Variants in DNM3 observed in about 807,000 individuals in gnomAD.
DNM3 encodes dynamin 3.
A neutral mutation model predicts 101.6 loss-of-function variants in DNM3; 47 were observed. The observed-to-expected ratio is 0.46, with a 90% CI of 0.37 to 0.59. The LOEUF (loss-of-function observed/expected upper bound fraction) is 0.59. Ranked by LOEUF, DNM3 falls within the 20% of genes least tolerant of loss-of-function variation. The pLI is 0.00. For missense variants in DNM3, 849 were observed against 1,085.7 expected (o/e 0.78, Z 3.06); for synonymous variants, 385 against 387.9 (o/e 0.99, Z 0.09).
intron 14 of DNM3, chr1:172,139,160 A>G (rs2148140502): frequency 3.2e-6 from 1 of 314,290 alleles, no homozygotes; most frequent in Non-Finnish European, 6.2e-6. Flanking sequence ...GGAAAAAAAG[A>G]GATTAAACAC....
At chr1:172,127,068 C>T (rs2056667615) in intron 13 of DNM3, among the ~76,000 whole-genome samples, 1 of 152,112 alleles carries the variant, frequency 6.6e-6, no homozygotes, top group Admixed American at 6.6e-5. Flanking sequence ...GTTGTACCCA[C>T]TCTCACTCAA....
At chr1:172,292,597 G>T (rs969759482) in intron 15 of DNM3, among the ~76,000 whole-genome samples, 46 of 91,844 alleles carry the variant, frequency 5.0e-4, no homozygotes, top group Admixed American at 8.2e-4. Flanking sequence ...GAGAATAGAA[G>T]ACTTCACACA....
chr1:172,090,895 T>C (rs972935147), intron 12 of DNM3, among the ~76,000 whole-genome samples: 7 of 152,184 alleles, frequency 4.6e-5, no homozygotes, highest in Admixed American at 4.6e-4. Context: ...GACCATTTCA[T>C]TGATCTCCAA....
Position 172,106,847 on chromosome 1 carries a change from CTTTTTTTTTT to C in DNM3, c.1545+13987_1545+13996del, listed in dbSNP as rs1165611083. Among the ~76,000 whole-genome samples the C allele has an allele frequency of 1.0e-4, 7 of 67,958 alleles. 2 individuals are homozygous for C. Among genetic ancestry groups the C allele is most frequent in the Admixed American group, 2.4e-4 (1 of 4,094 alleles). 44.6% of individuals were successfully genotyped at this position (67,958 alleles called of 152,430 possible). A position where few individuals can be genotyped will look rare whatever the true frequency, so the allele number is the denominator to read the frequency against. ...TTATTCAATTTAAGGTAACATTATTCTTTTTTTTTTTTTTTTTTTTTTTTGAGACGGAGTC... is the reference window on the plus strand; with the variant it reads ...TTATTCAATTTAAGGTAACATTATTCTTTTTTTTTTTTTTGAGACGGAGTC... On this transcript the variant is annotated intron_variant, in intron 13 of 20. Transcript: ENST00000627582.
In DNM3 at chr1:172,067,901, C is replaced by T. The variant is rs1379830868; in HGVS notation, c.1336-918C>T. On this transcript the variant is annotated intron_variant, in intron 10 of 20. Coordinates refer to ENST00000627582, the MANE Select transcript of DNM3 (RefSeq NM_015569.5). ...TGTGCTTCATGGGATGAATCATGCTCGAAGAGTAATGGACAAGACCATGGG... is the reference window on the plus strand; with the variant it reads ...TGTGCTTCATGGGATGAATCATGCTTGAAGAGTAATGGACAAGACCATGGG... 3.3e-5 allele frequency among the ~76,000 whole-genome samples: 5 copies of T among 152,228 alleles called. No homozygotes were observed. In the East Asian group the frequency reaches 9.6e-4, roughly 29 times the overall value.
intron 12 of DNM3, among the ~76,000 whole-genome samples, chr1:172,086,727 G>A (rs530247818): frequency 6.6e-6 from 1 of 152,206 alleles, no homozygotes; most frequent in South Asian, 2.1e-4. Context: ...GGTAGCTACT[G>A]AGAGAAAGAG....
intron 13 of DNM3, among the ~76,000 whole-genome samples, chr1:172,104,841 G>GT (rs1457645792): frequency 1.3e-5 from 2 of 152,180 alleles, no homozygotes; most frequent in African/African-American, 4.8e-5. Flanking sequence ...ATGGTAGGAG[G>GT]TGAGGCACTA....
chr1:171,998,123 G>T (rs1422909444), intron 4 of DNM3, among the ~76,000 whole-genome samples: 1 of 152,104 alleles, frequency 6.6e-6, no homozygotes, highest in Non-Finnish European at 1.5e-5. Flanking sequence ...TGTCTCAGAT[G>T]CCAATAGTGT....
chr1:172,011,177 C>T (rs2047103271), intron 4 of DNM3, among the ~76,000 whole-genome samples: 1 of 151,836 alleles, frequency 6.6e-6, no homozygotes, highest in Non-Finnish European at 1.5e-5. Flanking sequence ...CTAATAAATG[C>T]AACATATTCA....
intron 20 of DNM3, among the ~76,000 whole-genome samples, chr1:172,394,727 A>T (rs957113141): frequency 6.6e-6 from 1 of 152,218 alleles, no homozygotes; most frequent in Non-Finnish European, 1.5e-5. Context: ...CCAAGACAGG[A>T]GTCTGGCAGA....
At chr1:172,112,763 G>A (rs181664393) in intron 13 of DNM3, among the ~76,000 whole-genome samples, 3 of 152,156 alleles carry the variant, frequency 2.0e-5, no homozygotes, top group Non-Finnish European at 4.4e-5. Context: ...CACATCATAA[G>A]GTTGAGTCGC....
At position 172,355,323 on chromosome 1, in the gene DNM3, A is replaced by T. The variant is rs548616564; in HGVS notation, c.1894-23695A>T. On this transcript the variant is annotated intron_variant, in intron 17 of 20. Coordinates refer to ENST00000627582, the MANE Select transcript of DNM3 (RefSeq NM_015569.5). ...AAAGATTTTGGACTATATTTAAAAAATTTAAAGAAATAAAAGAGCAAATGA... is the reference window on the plus strand; with the variant it reads ...AAAGATTTTGGACTATATTTAAAAATTTTAAAGAAATAAAAGAGCAAATGA... 7.2e-5 allele frequency among the ~76,000 whole-genome samples: 11 copies of T among 152,286 alleles called. No homozygotes were observed. The East Asian group carries it at 2.1e-3, about 29-fold the overall frequency.
intron 20 of DNM3, among the ~76,000 whole-genome samples, chr1:172,397,833 C>T (rs1034769608): frequency 2.0e-5 from 3 of 151,992 alleles, no homozygotes; most frequent in African/African-American, 7.3e-5. Context: ...TGTTCAGTCA[C>T]GATCTTCTAG....
intron 14 of DNM3, among the ~76,000 whole-genome samples, chr1:172,223,578 T>A (rs1439647445): frequency 3.3e-5 from 5 of 152,164 alleles, no homozygotes; most frequent in Admixed American, 3.3e-4. Context: ...TCAAAACATC[T>A]AAACTGAATC....
chr1:172,308,624 G>A (rs1325096127), intron 15 of DNM3, 104 bp from the exon 16 acceptor site: 3 of 475,868 alleles, frequency 6.3e-6, no homozygotes, highest in Non-Finnish European at 1.1e-5. Context: ...GTCAGAAACT[G>A]TCCATTTGGA....
intron 10 of DNM3, among the ~76,000 whole-genome samples, chr1:172,057,811 A>G (rs1340383211): frequency 7.9e-5 from 12 of 151,284 alleles, no homozygotes; most frequent in Non-Finnish European, 4.4e-5. Flanking sequence ...ACCAGCTATC[A>G]TCATAATGAC....
At chr1:172,416,749 C>A (rs549558457), downstream of DNM3, among the ~76,000 whole-genome samples, 1 of 152,222 alleles carries the variant, frequency 6.6e-6, no homozygotes, top group Admixed American at 6.5e-5. Flanking sequence ...GGTGATAAAT[C>A]TCATTGAGCT....
chr1:172,036,479 G>T (rs2048975123), intron 6 of DNM3, among the ~76,000 whole-genome samples: 1 of 151,970 alleles, frequency 6.6e-6, no homozygotes, highest in Admixed American at 6.6e-5. Flanking sequence ...AGAGCCCTCA[G>T]AAATAACGCC....
At chr1:171,894,521 C>A (rs921281298) in intron 1 of DNM3, among the ~76,000 whole-genome samples, 1 of 152,136 alleles carries the variant, frequency 6.6e-6, no homozygotes, top group Non-Finnish European at 1.5e-5. Flanking sequence ...TCTCCTGCCT[C>A]AGCCTCCTGA....
Sources: allele counts gnomAD v4.1 joint callset (sites outside exome capture counted in the v4.1 genomes callset), GRCh38; gene constraint gnomAD v4.1.1; transcripts MANE v1.5; gene names NCBI Gene and HGNC (gene_info 2026-07-23, HGNC 2026-07-21).